The following ITGA9 variants were observed in gnomAD, a reference collection of about 807,000 sequenced individuals.
ITGA9 encodes the protein integrin subunit alpha 9.
In ITGA9, 56 loss-of-function variants were observed where a neutral mutation model predicts 127.8. That is an observed-to-expected ratio of 0.44 (90% CI 0.35 to 0.55). The LOEUF (loss-of-function observed/expected upper bound fraction) is 0.55, where lower values mean the gene tolerates loss of function less well. Ranked by LOEUF, ITGA9 falls within the 20% of genes least tolerant of loss-of-function variation. The probability of loss-of-function intolerance (pLI) is 0.00; values close to 1 mark genes in which losing one functional copy is unlikely to be tolerated. For missense variants in ITGA9, 1,196 were observed against 1,347.1 expected (o/e 0.89, Z 1.76); for synonymous variants, 508 against 514.5 (o/e 0.99, Z 0.17).
intron 4 of ITGA9, 110 bp downstream of exon 4, chr3:37,481,717 C>T: frequency 2.9e-6 from 4 of 1,394,586 alleles, no homozygotes; most frequent in Non-Finnish European, 4.0e-6. Context: ...TCCACATGCT[C>T]ATGATAGGGC....
intron 26 of ITGA9, among the ~76,000 whole-genome samples, chr3:37,801,071 A>G (rs772429844): frequency 9.8e-5 from 15 of 152,334 alleles, no homozygotes; most frequent in Non-Finnish European, 1.8e-4. Context: ...AGGCTCAGAC[A>G]GGAGAATTGC....
chr3:37,540,491 A>G (rs1307839591), intron 14 of ITGA9, among the ~76,000 whole-genome samples: 3 of 152,222 alleles, frequency 2.0e-5, no homozygotes, highest in African/African-American at 7.2e-5. Flanking sequence ...CTATCCATGC[A>G]TTCAAAAAAA....
intron 18 of ITGA9, among the ~76,000 whole-genome samples, chr3:37,728,005 G>A (rs573605383): frequency 1.3e-5 from 2 of 152,174 alleles, no homozygotes; most frequent in Admixed American, 1.3e-4. Flanking sequence ...TATTTGATTT[G>A]CATTGTATTG....
chr3:37,557,057 A>C (rs1311441430), intron 15 of ITGA9, among the ~76,000 whole-genome samples: 1 of 152,062 alleles, frequency 6.6e-6, no homozygotes, highest in African/African-American at 2.4e-5. Flanking sequence ...GTTTTTTTAA[A>C]CTTCACTGCA....
intron 15 of ITGA9, among the ~76,000 whole-genome samples, chr3:37,581,682 A>G (rs1046615008): frequency 6.6e-6 from 1 of 152,218 alleles, no homozygotes; most frequent in African/African-American, 2.4e-5. Context: ...AGGACCCCTG[A>G]TATCCACCTT....
chr3:37,585,546 A>G (rs753585627), intron 15 of ITGA9: 23 of 495,830 alleles, frequency 4.6e-5, no homozygotes, highest in South Asian at 2.2e-4. Flanking sequence ...TTAGGGAGGG[A>G]TTCTTTCAAG....
intron 4 of ITGA9, among the ~76,000 whole-genome samples, chr3:37,488,773 G>A (rs879744828): frequency 1.5e-4 from 23 of 151,262 alleles, no homozygotes; most frequent in Non-Finnish European, 2.8e-4. Flanking sequence ...ACTCCAGTCT[G>A]GGTGACAGAA....
At chr3:37,725,934 C>A (rs149892131) in intron 18 of ITGA9, among the ~76,000 whole-genome samples, 1 of 152,214 alleles carries the variant, frequency 6.6e-6, no homozygotes, top group African/African-American at 2.4e-5. Flanking sequence ...TTCTATGCTG[C>A]AGGCTCAGGT....
At chr3:37,500,466 C>G (rs922001854) in intron 5 of ITGA9, among the ~76,000 whole-genome samples, 1 of 152,204 alleles carries the variant, frequency 6.6e-6, no homozygotes, top group Non-Finnish European at 1.5e-5. Flanking sequence ...AATCTAGTGG[C>G]TTTTCTTCCA....
intron 4 of ITGA9, among the ~76,000 whole-genome samples, chr3:37,489,652 G>A (rs550631787): frequency 6.7e-6 from 1 of 149,454 alleles, no homozygotes; most frequent in African/African-American, 2.5e-5. Context: ...GTAAACTGAG[G>A]GTAGTTTTAT....
At chr3:37,730,265 G>A (rs930582948) in intron 18 of ITGA9, among the ~76,000 whole-genome samples, 9 of 152,174 alleles carry the variant, frequency 5.9e-5, no homozygotes, top group African/African-American at 2.2e-4. Context: ...GAAACCAAGA[G>A]AACTAAAGTC....
At chr3:37,647,057 C>A (rs1349822722) in intron 16 of ITGA9, among the ~76,000 whole-genome samples, 1 of 152,086 alleles carries the variant, frequency 6.6e-6, no homozygotes, top group East Asian at 1.9e-4. Flanking sequence ...AGAACACAGG[C>A]ACTGAGTTTC....
intron 16 of ITGA9, among the ~76,000 whole-genome samples, chr3:37,651,322 T>C (rs1156387229): frequency 1.3e-5 from 2 of 152,216 alleles, no homozygotes; most frequent in African/African-American, 4.8e-5. Context: ...GTGAGAAGTC[T>C]TTGCATCTCA....
chr3:37,812,665 C>G (rs1272438813), intron 27 of ITGA9, among the ~76,000 whole-genome samples: 1 of 152,248 alleles, frequency 6.6e-6, no homozygotes, highest in Non-Finnish European at 1.5e-5. Context: ...CCAGCAGACA[C>G]AAAAACCAGA....
intron 20 of ITGA9, among the ~76,000 whole-genome samples, chr3:37,741,512 G>A (rs78125895): frequency 6.6e-6 from 1 of 152,224 alleles, no homozygotes; most frequent in East Asian, 1.9e-4. Context: ...GCCACCTCTC[G>A]AATAAACTAC....
At chr3:37,514,214 G>T (rs1213443006) in intron 9 of ITGA9, among the ~76,000 whole-genome samples, 1 of 152,146 alleles carries the variant, frequency 6.6e-6, no homozygotes, top group African/African-American at 2.4e-5. Flanking sequence ...TATCAAGGGT[G>T]CCCATTTTTC....
At chr3:37,738,797 G>A (rs1052970919) in intron 20 of ITGA9, among the ~76,000 whole-genome samples, 1 of 152,192 alleles carries the variant, frequency 6.6e-6, no homozygotes, top group African/African-American at 2.4e-5. Flanking sequence ...TGTCAAAATA[G>A]AAGACACTTC....
At chr3:37,624,702 G>A (rs1450312306) in intron 15 of ITGA9, among the ~76,000 whole-genome samples, 1 of 152,158 alleles carries the variant, frequency 6.6e-6, no homozygotes, top group East Asian at 1.9e-4. Context: ...CGCCTCCTGG[G>A]TTCAAGCAAT....
intron 25 of ITGA9, among the ~76,000 whole-genome samples, chr3:37,782,625 T>C (rs1356329321): frequency 6.6e-6 from 1 of 152,204 alleles, no homozygotes; most frequent in Admixed American, 6.5e-5. Context: ...AGAGCTTCAG[T>C]TGCCCTGAAG....
Sources: allele counts gnomAD v4.1 joint callset (sites outside exome capture counted in the v4.1 genomes callset), GRCh38; gene constraint gnomAD v4.1.1; transcripts MANE v1.5; gene names NCBI Gene and HGNC (gene_info 2026-07-23, HGNC 2026-07-21).